Variants in ZNF233 observed in about 807,000 individuals in gnomAD.
ZNF233 encodes the protein zinc finger protein 233.
Under a neutral mutation model 11.6 loss-of-function variants are expected in ZNF233, and 7 were observed. That is an observed-to-expected ratio of 0.60 (90% confidence interval 0.34 to 1.13). The LOEUF (loss-of-function observed/expected upper bound fraction) is 1.13. Ranked by LOEUF, ZNF233 falls within the 50% of genes most tolerant of loss-of-function variation. ZNF233 has a pLI of 0.03. For missense variants in ZNF233, 711 were observed against 785.5 expected (o/e 0.91, Z 1.13); for synonymous variants, 226 against 268.5 (o/e 0.84, Z 1.55).
In ZNF233 at chr19:44,273,909, CAG is replaced by C; in HGVS notation, c.1254_1255del (p.Gly419SerfsTer3). The C allele has an allele frequency of 6.2e-7, 1 of 1,614,162 alleles. No individual in the cohort carries two copies. The highest frequency in any genetic ancestry group is 1.3e-5 in the African/African-American group (1 of 75,038). On this transcript the variant is annotated frameshift_variant, in exon 5 of 5. Transcript: ENST00000683810. LOFTEE classifies it low-confidence loss of function (END_TRUNC). ...FSQTSQLQAH[Q>X]RGHSRDKTYK... ...TCAGACATCACAACTTCAAGCCCAT[CAG>C]AGAGGTCACTCTAGAGACAAGACAT...
chr19:44,265,444 G>A (rs190732255), intron 2 of ZNF233, among the ~76,000 whole-genome samples: 3 of 147,274 alleles, frequency 2.0e-5, no homozygotes, highest in Non-Finnish European at 3.0e-5. Flanking sequence ...TTTTTGAGAC[G>A]GAGTCTTGCA....
chr19:44,267,397 A>G (rs1975121335), intron 4 of ZNF233: 1 of 394,168 alleles, frequency 2.5e-6, no homozygotes, highest in South Asian at 1.3e-4. Flanking sequence ...TCTGTGACCT[A>G]GGCTGAAGTG....
intron 4 of ZNF233, among the ~76,000 whole-genome samples, chr19:44,271,756 T>A (rs1286248798): frequency 2.0e-5 from 3 of 151,578 alleles, no homozygotes; most frequent in Non-Finnish European, 4.4e-5. Flanking sequence ...GTGATCCACC[T>A]GCCTCGGCCT....
intron 4 of ZNF233, among the ~76,000 whole-genome samples, chr19:44,269,106 T>A (rs1975171004): frequency 6.6e-6 from 1 of 152,212 alleles, no homozygotes; most frequent in Non-Finnish European, 1.5e-5. Flanking sequence ...TGTTGGATGC[T>A]GACTTCTTTG....
chr19:44,261,214 A>G (rs1367806443), intron 1 of ZNF233, among the ~76,000 whole-genome samples: 1 of 152,058 alleles, frequency 6.6e-6, no homozygotes, highest in African/African-American at 2.4e-5. Context: ...CTGAGGCGGG[A>G]GGATGGCTTG....
intron 2 of ZNF233, among the ~76,000 whole-genome samples, chr19:44,265,364 T>TACAC (rs1464898857): frequency 2.8e-4 from 16 of 57,830 alleles, no homozygotes; most frequent in Non-Finnish European, 4.1e-4. Context: ...ATCATATATA[T>TACAC]ATACACACAC....
Position 44,272,927 on chromosome 19 carries a change from C to A in ZNF233, c.267C>A (p.Thr89=), listed in dbSNP as rs765009281. 6.9e-6 allele frequency: 11 copies of A among 1,597,204 alleles called. No individual in the cohort carries two copies. Among genetic ancestry groups the A allele is most frequent in the South Asian group, 2.3e-5 (2 of 88,462 alleles). The change falls in exon 5 of 5, where the codon ACC becomes ACA. Residue 89 remains threonine, a synonymous_variant. Coordinates refer to ENST00000683810, the MANE Select transcript of ZNF233 (RefSeq NM_001207005.2). Reference sequence around the variant, plus strand: ...ACAAGAATCAAAATGAGATAGATACCCTTCAAGAAGTAAGATTAAGATTCC... The same window carrying A: ...ACAAGAATCAAAATGAGATAGATACACTTCAAGAAGTAAGATTAAGATTCC... ...SGHKNQNEID[T]LQEVRLRFLS...
At chr19:44,261,079 TTGAGCTCAGGC>T (rs1354109369) in intron 1 of ZNF233, among the ~76,000 whole-genome samples, 1 of 152,176 alleles carries the variant, frequency 6.6e-6, no homozygotes, top group Admixed American at 6.5e-5. Flanking sequence ...AACTGGGAGT[TTGAGCTCAGGC>T]TGAGCTCAGG....
intron 2 of ZNF233, among the ~76,000 whole-genome samples, chr19:44,265,292 A>G (rs1244511377): frequency 6.6e-6 from 1 of 151,748 alleles, no homozygotes; most frequent in Non-Finnish European, 1.5e-5. Flanking sequence ...ATAGTCTCCA[A>G]TATCATCCAG....
chr19:44,267,349 T>TG, intron 4 of ZNF233: 1 of 387,486 alleles, frequency 2.6e-6, no homozygotes, highest in Non-Finnish European at 4.4e-6. Context: ...ATGCCAAGGG[T>TG]GCTTTTTTTT....
rs140083467 is a variant in ZNF233, at chr19:44,274,477, A to G, written c.1817A>G (p.Tyr606Cys). 34 of 1,614,108 alleles carry G rather than the reference A, an allele frequency of 2.1e-5. No homozygotes were observed. The African/African-American group carries it at 3.9e-4, about 18-fold the overall frequency. ...AGGAAAGGCTTCATCTGGAACTCAT[A>G]TCTTCATGTTCATCAGAGGATCCAC... ...ECRKGFIWNS[Y>C]LHVHQRIHTG... The change falls in exon 5 of 5, where the codon TAT (tyrosine) becomes TGT (cysteine). Residue 606 changes from tyrosine (Y) to cysteine (C), a missense_variant. Transcript: ENST00000683810.
intron 1 of ZNF233, among the ~76,000 whole-genome samples, chr19:44,260,907 T>G (rs994273350): frequency 6.6e-6 from 1 of 152,226 alleles, no homozygotes; most frequent in Non-Finnish European, 1.5e-5. Flanking sequence ...ATAATAAAAT[T>G]TGTTAATACG....
chr19:44,264,397 A>C (rs1599872274), intron 2 of ZNF233, 22 bp downstream of exon 2: 7 of 1,608,228 alleles, frequency 4.4e-6, no homozygotes, highest in Non-Finnish European at 5.9e-6. Context: ...TTTGATTTTT[A>C]TCTCTTAAAA....
At chr19:44,266,508 TG>T (rs1176783578) in intron 3 of ZNF233, among the ~76,000 whole-genome samples, 184 bp downstream of exon 3, 1 of 152,220 alleles carries the variant, frequency 6.6e-6, no homozygotes, top group Non-Finnish European at 1.5e-5. Context: ...GAAATCTTGG[TG>T]GGTTTTGAAA....
rs572168889 is a variant in ZNF233, at chr19:44,271,580, G to A, written c.239-1319G>A. Among the ~76,000 whole-genome samples, 237 of 151,374 alleles carry A rather than the reference G, an allele frequency of 1.6e-3. 1 individual carries two copies. Among genetic ancestry groups the A allele is most frequent in the Non-Finnish European group, 2.6e-3 (174 of 67,902 alleles). ...GCTTGAGTGCAGTGGCACGATCTCCGCTCACTGCAAGCTCTGCCTCCTGGG... is the reference window on the plus strand; with the variant it reads ...GCTTGAGTGCAGTGGCACGATCTCCACTCACTGCAAGCTCTGCCTCCTGGG... On this transcript the variant is annotated intron_variant, in intron 4 of 4. Coordinates refer to ENST00000683810, the MANE Select transcript of ZNF233 (RefSeq NM_001207005.2).
intron 4 of ZNF233, among the ~76,000 whole-genome samples, chr19:44,272,388 A>G (rs1975260456): frequency 6.7e-6 from 1 of 150,258 alleles, no homozygotes; most frequent in African/African-American, 2.5e-5. Flanking sequence ...AATGAGTCTC[A>G]TTAACATTTT....
In ZNF233 at chr19:44,273,998, C is replaced by T. The variant is rs576117722; in HGVS notation, c.1338C>T (p.His446=). The T allele has an allele frequency of 1.9e-6, 3 of 1,597,428 alleles. No individual in the cohort carries two copies. The South Asian group carries it at 3.3e-5, about 18-fold the overall frequency. Residue 446 remains histidine (H), a synonymous_variant, in exon 5 of 5, where the codon CAC becomes CAT. Transcript: ENST00000683810. The part of the protein sequence containing the change: ...NRNSGLHQRV[H]TGEKPYKCEV... ...ATTCTGGTCTTCACCAGAGAGTTCA[C>T]ACTGGAGAGAAACCATATAAATGTG...
chr19:44,273,544 T>C lies in ZNF233; in HGVS notation c.884T>C (p.Ile295Thr), dbSNP rs150005688. The change falls in exon 5 of 5, where the codon ATA becomes ACA. Residue 295 changes from isoleucine to threonine, a missense_variant. By Grantham distance (89) the Ile-to-Thr change is moderately conservative. Transcript: ENST00000683810. ...PHVNVEYGKG[I>T]GYSSGLPRHQ... ...GTAAATGTTGAGTACGGGAAGGGCA[T>C]AGGTTACAGCTCAGGGCTTCCCAGG... 52 of 1,614,072 alleles carry C rather than the reference T, an allele frequency of 3.2e-5. No individual in the cohort carries two copies. Among genetic ancestry groups the C allele is most frequent in the African/African-American group, 1.7e-4 (13 of 74,926 alleles).
rs1277125032 is a variant in ZNF233 at position 44,274,515 on chromosome 19, C to T, written c.1855C>T (p.Pro619Ser). ...TCAGAGGATCCACACGGGAGAGAAA[C>T]CCTATAAATGTGGCATGTGTGGTAA... is the stretch of plus-strand genomic sequence containing the variant. ...VHQRIHTGEK[P>S]YKCGMCGKSF... The change falls in exon 5 of 5, where the codon CCC becomes TCC. Residue 619 changes from proline to serine, a missense_variant. Coordinates refer to ENST00000683810, the MANE Select transcript of ZNF233 (RefSeq NM_001207005.2). The T allele has an allele frequency of 6.2e-7, 1 of 1,613,918 alleles. No individual in the cohort carries two copies. Among genetic ancestry groups the T allele is most frequent in the Non-Finnish European group, 8.5e-7 (1 of 1,179,994 alleles).
Sources: gnomAD v4.1 joint callset for allele counts (sites outside exome capture counted in the v4.1 genomes callset) on GRCh38, gnomAD v4.1.1 for gene constraint, MANE v1.5 for transcripts, NCBI Gene and HGNC (gene_info 2026-07-23, HGNC 2026-07-21) for gene names.